CWF19L2: variants seen among roughly 807,000 people sequenced by gnomAD.
The protein encoded by CWF19L2 is CWF19-like protein 2.
A neutral mutation model predicts 111.7 loss-of-function variants in CWF19L2; 98 were observed. The observed-to-expected ratio is 0.88, with a 90% CI of 0.75 to 1.04. The LOEUF (loss-of-function observed/expected upper bound fraction) is 1.04. Ranked by LOEUF, CWF19L2 falls within the 50% of genes least tolerant of loss-of-function variation. The probability of loss-of-function intolerance (pLI) is 0.00; values close to 1 mark genes in which losing one functional copy is unlikely to be tolerated. For missense variants in CWF19L2, 1,101 were observed against 1,051.4 expected, an observed-to-expected ratio of 1.05 and a Z score of -0.65; for synonymous variants, 351 against 342.9, an observed-to-expected ratio of 1.02 and a Z score of -0.26.
intron 14 of CWF19L2, among the ~76,000 whole-genome samples, chr11:107,348,550 T>C (rs913904833): frequency 6.6e-5 from 10 of 152,182 alleles, no homozygotes; most frequent in African/African-American, 2.2e-4. Flanking sequence ...CCGCTAAATA[T>C]AAAACCTCTG....
chr11:107,443,473 C>T (rs552193900), intron 3 of CWF19L2, among the ~76,000 whole-genome samples: 9 of 149,416 alleles, frequency 6.0e-5, no homozygotes, highest in African/African-American at 2.0e-4. Flanking sequence ...ACAGAGACTC[C>T]GTCTCAAAAA....
chr11:107,350,721 T>C (rs979723909), intron 13 of CWF19L2, among the ~76,000 whole-genome samples: 20 of 152,026 alleles, frequency 1.3e-4, no homozygotes, highest in African/African-American at 4.6e-4. Context: ...ATATGTCAGA[T>C]GGTGATAAGG....
chr11:107,391,532 C>T (rs1056405924), intron 11 of CWF19L2, among the ~76,000 whole-genome samples: 31 of 152,186 alleles, frequency 2.0e-4, no homozygotes, highest in African/African-American at 7.5e-4. Context: ...AACCCTTGTT[C>T]TGTAAACAGC....
chr11:107,348,691 T>C (rs1371139006), intron 14 of CWF19L2: 6 of 216,648 alleles, frequency 2.8e-5, no homozygotes, highest in Non-Finnish European at 5.5e-5. Flanking sequence ...TTTTTTTAAG[T>C]AAAAATAATT....
intron 10 of CWF19L2, among the ~76,000 whole-genome samples, chr11:107,395,839 T>C (rs1259811988): frequency 6.6e-6 from 1 of 152,214 alleles, no homozygotes; most frequent in Non-Finnish European, 1.5e-5. Flanking sequence ...TCTATATTTA[T>C]CTCTTTTTGC....
chr11:107,345,265 G>A (rs1296521985), intron 14 of CWF19L2: 2 of 189,224 alleles, frequency 1.1e-5, no homozygotes, highest in South Asian at 1.8e-4. Context: ...GTCATAGAGT[G>A]AGAAGATAAC....
Position 107,454,524 on chromosome 11 carries a change from CT to C in CWF19L2, c.264del (p.Ala89GlnfsTer48), listed in dbSNP as rs1270155549. ...KKKKKDKHSK[K>X]AKKEKKKKSK... ...CTCTTTTTTTTCTTTTCTTTCTTTG[CT>C]TTTTTTGAATGCTTGTCTTTTTTCT... On this transcript the variant is annotated frameshift_variant, in exon 3 of 18. Transcript: ENST00000282251. LOFTEE classifies it high-confidence loss of function. 1.5e-5 allele frequency: 22 copies of C among 1,464,894 alleles called. No individual in the cohort carries two copies. Among genetic ancestry groups the C allele is most frequent in the Admixed American group, 5.4e-5 (2 of 36,888 alleles). The allele number at this position is 1,464,894 out of a possible 1,614,324, so 90.7% of individuals were successfully genotyped here. A position where few individuals can be genotyped will look rare whatever the true frequency, so the allele number is the denominator to read the frequency against.
At chr11:107,417,756 G>C (rs1420263329) in intron 9 of CWF19L2, among the ~76,000 whole-genome samples, 3 of 95,224 alleles carry the variant, frequency 3.2e-5, no homozygotes, top group Non-Finnish European at 5.9e-5. Flanking sequence ...AAAGGTTCGA[G>C]AATTTTTTTT....
chr11:107,412,360 A>C (rs1861169038), intron 10 of CWF19L2, among the ~76,000 whole-genome samples: 1 of 151,996 alleles, frequency 6.6e-6, no homozygotes, highest in African/African-American at 2.4e-5. Flanking sequence ...TTGTTTTTTG[A>C]GATGGAGTCC....
chr11:107,372,329 A>C (rs1860522472), intron 12 of CWF19L2, among the ~76,000 whole-genome samples: 1 of 134,250 alleles, frequency 7.4e-6, no homozygotes, highest in Non-Finnish European at 1.6e-5. Context: ...ATTTGTATGA[A>C]TATTCTGTTT....
chr11:107,363,227 G>A (rs1203297340), intron 12 of CWF19L2, among the ~76,000 whole-genome samples: 1 of 152,076 alleles, frequency 6.6e-6, no homozygotes, highest in East Asian at 1.9e-4. Flanking sequence ...AGGGAGAATG[G>A]AACCAAGTTG....
chr11:107,393,552 G>T (rs11212200), intron 10 of CWF19L2, among the ~76,000 whole-genome samples: 5 of 152,206 alleles, frequency 3.3e-5, no homozygotes, highest in African/African-American at 7.2e-5. Flanking sequence ...CAAAGGAAAA[G>T]AAATTGTTAT....
chr11:107,386,820 C>A (rs1383472507), intron 12 of CWF19L2, among the ~76,000 whole-genome samples: 1 of 152,100 alleles, frequency 6.6e-6, no homozygotes, highest in Admixed American at 6.5e-5. Flanking sequence ...CTTTGGGAGT[C>A]TGAGATGGGC....
chr11:107,442,817 AGG>A (rs1184866012), intron 4 of CWF19L2, 120 bp downstream of exon 4: 27,002 of 382,398 alleles, frequency 0.071, 2,034 homozygotes, highest in Non-Finnish European at 0.09. Context: ...GGAGGGAGGG[AGG>A]GGGAGGGAGG....
At chr11:107,436,437 T>A (rs540906680) in intron 6 of CWF19L2, among the ~76,000 whole-genome samples, 78 of 152,168 alleles carry the variant, frequency 5.1e-4, no homozygotes, top group African/African-American at 1.7e-3. Flanking sequence ...ATTACCCAAC[T>A]CTCTCAGAAA....
intron 17 of CWF19L2, among the ~76,000 whole-genome samples, chr11:107,329,354 G>A (rs371121607): frequency 2.6e-5 from 4 of 152,120 alleles, no homozygotes; most frequent in African/African-American, 4.8e-5. Flanking sequence ...AACTATCAGC[G>A]TAAAATGAGT....
intron 4 of CWF19L2, among the ~76,000 whole-genome samples, chr11:107,442,712 G>C (rs1247650133): frequency 7.4e-6 from 1 of 134,576 alleles, no homozygotes; most frequent in Non-Finnish European, 1.7e-5. Context: ...GAAAGAGAGA[G>C]AGAGAGAGAA....
intron 12 of CWF19L2, among the ~76,000 whole-genome samples, chr11:107,360,121 T>A (rs1860302363): frequency 1.3e-5 from 2 of 152,198 alleles, no homozygotes. Flanking sequence ...CACCCCCTTA[T>A]TCTTCTGAGT....
intron 12 of CWF19L2, among the ~76,000 whole-genome samples, chr11:107,385,979 T>C (rs1462343435): frequency 6.6e-6 from 1 of 152,186 alleles, no homozygotes; most frequent in Non-Finnish European, 1.5e-5. Context: ...ATGATTATTG[T>C]GGTTAATCTC....
Sources: gnomAD v4.1 joint callset for allele counts (sites outside exome capture counted in the v4.1 genomes callset) on GRCh38, gnomAD v4.1.1 for gene constraint, MANE v1.5 for transcripts, NCBI Gene and HGNC (gene_info 2026-07-23, HGNC 2026-07-21) for gene names.